The following ROBO1 variants were observed in gnomAD, a reference collection of about 807,000 sequenced individuals.
ROBO1 encodes roundabout homolog 1.
In ROBO1, 149 loss-of-function variants were observed where a neutral mutation model predicts 195.9. That is an observed-to-expected ratio of 0.76 (90% CI 0.67 to 0.87). The LOEUF is 0.87. Ranked by LOEUF, ROBO1 falls within the 40% of genes least tolerant of loss-of-function variation. The pLI, the probability that ROBO1 is intolerant of heterozygous loss-of-function variation, is 0.00. For synonymous variants in ROBO1, 816 were observed against 733.2 expected (o/e 1.11, Z -1.82); for missense variants, 1,933 against 2,068.3 (o/e 0.93, Z 1.27).
At chr3:78,698,469 T>C (rs961439402) in intron 8 of ROBO1, among the ~76,000 whole-genome samples, 3 of 152,180 alleles carry the variant, frequency 2.0e-5, no homozygotes, top group African/African-American at 7.2e-5. Context: ...ATTTAATGGA[T>C]ACATAAAATA....
chr3:79,122,938 T>G lies in ROBO1; in HGVS notation c.172+2518A>C, dbSNP rs375930338. Among the ~76,000 whole-genome samples the G allele has an allele frequency of 2.6e-5, 4 of 151,994 alleles. No homozygotes were observed. The East Asian group carries it at 7.7e-4, about 29-fold the overall frequency. Reference sequence around the variant, plus strand: ...CTCAATGAAATGAAGCAACATGTAGTAAAAAAATAAACATCTGATGTATAA... The same window carrying G: ...CTCAATGAAATGAAGCAACATGTAGGAAAAAAATAAACATCTGATGTATAA... On this transcript the variant is annotated intron_variant, in intron 3 of 30. Transcript: ENST00000464233.
intron 2 of ROBO1, among the ~76,000 whole-genome samples, chr3:79,278,900 C>A (rs968185528): frequency 6.6e-6 from 1 of 152,110 alleles, no homozygotes; most frequent in African/African-American, 2.4e-5. Flanking sequence ...TAGTGCAAAA[C>A]AACCTACCAA....
chr3:79,555,956 A>G (rs1043867622), intron 2 of ROBO1, among the ~76,000 whole-genome samples: 7 of 152,118 alleles, frequency 4.6e-5, no homozygotes, highest in African/African-American at 7.2e-5. Flanking sequence ...GTGATTTGCC[A>G]TGTGTGTTGA....
Position 78,702,860 on chromosome 3 carries a change from C to G in ROBO1, c.1045+11537G>C, listed in dbSNP as rs1353845569. Among the ~76,000 whole-genome samples the G allele has an allele frequency of 2.0e-5, 3 of 152,108 alleles. No individual in the cohort carries two copies. In the East Asian group the frequency reaches 5.8e-4, roughly 29 times the overall value. On this transcript the variant is annotated intron_variant, in intron 8 of 30. Transcript: ENST00000464233. ...TGATGCGCTATTTACTAGTGTGGTG[C>G]TATGTCATTATTTGTCACTGAATCA... is the stretch of plus-strand genomic sequence containing the variant.
intron 5 of ROBO1, among the ~76,000 whole-genome samples, chr3:78,744,402 G>A (rs780372623): frequency 9.2e-5 from 14 of 152,086 alleles, no homozygotes; most frequent in African/African-American, 2.9e-4. Flanking sequence ...CCATTGCCAC[G>A]TTTCAGTGTG....
chr3:78,712,648 C>G (rs990027625), intron 8 of ROBO1, among the ~76,000 whole-genome samples: 6 of 152,018 alleles, frequency 3.9e-5, no homozygotes, highest in Non-Finnish European at 5.9e-5. Flanking sequence ...TTATAGAAAA[C>G]ACAACGCAGT....
At chr3:79,404,525 C>T (rs573589734) in intron 2 of ROBO1, among the ~76,000 whole-genome samples, 3 of 152,052 alleles carry the variant, frequency 2.0e-5, no homozygotes, top group Admixed American at 1.3e-4. Context: ...CACCCTGAGA[C>T]GACAAGCATA....
At chr3:79,318,207 C>T (rs1312144038) in intron 2 of ROBO1, among the ~76,000 whole-genome samples, 1 of 152,172 alleles carries the variant, frequency 6.6e-6, no homozygotes, top group South Asian at 2.1e-4. Flanking sequence ...TTAATCTCAT[C>T]CAAATACTCT....
At chr3:79,638,985 A>T (rs1017736049) in intron 1 of ROBO1, among the ~76,000 whole-genome samples, 1 of 152,172 alleles carries the variant, frequency 6.6e-6, no homozygotes. Flanking sequence ...AATTCTAAAA[A>T]CTGGTAATGT....
chr3:79,502,295 T>C (rs2107504799), intron 2 of ROBO1, among the ~76,000 whole-genome samples: 1 of 152,226 alleles, frequency 6.6e-6, no homozygotes, highest in Non-Finnish European at 1.5e-5. Flanking sequence ...CGCGCGGCGC[T>C]TGCGGGCCAG....
chr3:79,695,330 G>A (rs1947412696), intron 1 of ROBO1, among the ~76,000 whole-genome samples: 1 of 151,556 alleles, frequency 6.6e-6, no homozygotes, highest in Non-Finnish European at 1.5e-5. Flanking sequence ...CGTAATCAAT[G>A]CAACATTAAA....
chr3:79,281,205 T>C (rs77170371), intron 2 of ROBO1, among the ~76,000 whole-genome samples: 10,276 of 152,252 alleles, frequency 0.067, 431 homozygotes, highest in African/African-American at 0.11. Flanking sequence ...AGGACTAATA[T>C]GAAAGTTCAG....
intron 2 of ROBO1, among the ~76,000 whole-genome samples, chr3:79,447,469 G>A (rs938277036): frequency 6.6e-6 from 1 of 152,000 alleles, no homozygotes; most frequent in Non-Finnish European, 1.5e-5. Context: ...AAGTGGTATC[G>A]AAAAAAGGAT....
At chr3:79,411,153 C>T (rs922223234) in intron 2 of ROBO1, among the ~76,000 whole-genome samples, 8 of 152,104 alleles carry the variant, frequency 5.3e-5, no homozygotes, top group South Asian at 4.1e-4. Context: ...GCTTTACACA[C>T]GCACGCACAT....
chr3:79,072,912 T>A (rs1576641255), intron 3 of ROBO1, among the ~76,000 whole-genome samples: 1 of 152,126 alleles, frequency 6.6e-6, no homozygotes, highest in Non-Finnish European at 1.5e-5. Flanking sequence ...TATTACTAGA[T>A]TCATTTGGTA....
chr3:78,838,504 G>C (rs1262182554), intron 4 of ROBO1, among the ~76,000 whole-genome samples: 8 of 152,126 alleles, frequency 5.3e-5, no homozygotes, highest in Admixed American at 5.2e-4. Flanking sequence ...ATCTGGTGAC[G>C]GCCTCAGGCT....
At chr3:78,688,589 A>T in intron 9 of ROBO1, 59 bp downstream of exon 9, 2 of 1,481,738 alleles carry the variant, frequency 1.3e-6, no homozygotes, top group Middle Eastern at 1.8e-4. Context: ...TTTTCTTCTC[A>T]TACATCTTGG....
intron 3 of ROBO1, among the ~76,000 whole-genome samples, chr3:78,963,931 A>C (rs566930072): frequency 1.2e-4 from 18 of 152,244 alleles, no homozygotes; most frequent in African/African-American, 4.3e-4. Flanking sequence ...AAAATGAGTG[A>C]CTCATACAAC....
intron 3 of ROBO1, among the ~76,000 whole-genome samples, chr3:79,095,692 A>T (rs765360713): frequency 6.6e-6 from 1 of 152,120 alleles, no homozygotes; most frequent in Non-Finnish European, 1.5e-5. Context: ...TTTGCACAGC[A>T]ATAGAAAACT....
Sources: allele counts gnomAD v4.1 joint callset (sites outside exome capture counted in the v4.1 genomes callset), GRCh38; gene constraint gnomAD v4.1.1; transcripts MANE v1.5; gene names NCBI Gene and HGNC (gene_info 2026-07-23, HGNC 2026-07-21).